VASH2: variants seen among roughly 807,000 people sequenced by gnomAD.
The protein encoded by VASH2 is vasohibin 2, also known as tubulinyl-Tyr carboxypeptidase 2.
Under a neutral mutation model 37.2 loss-of-function variants are expected in VASH2, and 28 were observed. That is an observed-to-expected ratio of 0.75 (90% CI 0.56 to 1.03). The LOEUF (loss-of-function observed/expected upper bound fraction) is 1.03, where lower values mean the gene tolerates loss of function less well. Ranked by LOEUF, VASH2 falls within the 50% of genes least tolerant of loss-of-function variation. The pLI is 0.00. For synonymous variants in VASH2, 188 were observed against 174.7 expected (o/e 1.08, Z -0.60); for missense variants, 419 against 459.1 (o/e 0.91, Z 0.80).
chr1:212,985,363 C>A (rs1257720809), intron 7 of VASH2, among the ~76,000 whole-genome samples: 1 of 151,390 alleles, frequency 6.6e-6, no homozygotes, highest in Non-Finnish European at 1.5e-5. Flanking sequence ...TATGTAAAAG[C>A]AGCTCAACAG....
chr1:212,958,659 A>G (rs903803), intron 2 of VASH2, among the ~76,000 whole-genome samples: 31,398 of 151,882 alleles, frequency 0.21, 6,088 homozygotes, highest in African/African-American at 0.5. Flanking sequence ...ATTTTCCCAC[A>G]CTTACCAGCT....
At chr1:212,973,027 C>A in intron 6 of VASH2, 66 bp downstream of exon 6, 1 of 1,555,664 alleles carries the variant, frequency 6.4e-7, no homozygotes, top group East Asian at 2.3e-5. Flanking sequence ...CTCTCTGTCT[C>A]TTGCTCCAGG....
chr1:212,973,303 GTAT>G, intron 6 of VASH2: 2 of 1,084,100 alleles, frequency 1.8e-6, no homozygotes, highest in Non-Finnish European at 2.5e-6. Flanking sequence ...GAGATTTTCA[GTAT>G]TAAAACCTGG....
chr1:212,982,597 G>A (rs774521751), intron 7 of VASH2, among the ~76,000 whole-genome samples: 21 of 151,958 alleles, frequency 1.4e-4, no homozygotes, highest in Admixed American at 5.9e-4. Flanking sequence ...GAGATGAGCT[G>A]GCAAGGACTG....
chr1:212,984,405 G>C (rs544526956), intron 7 of VASH2, among the ~76,000 whole-genome samples: 19 of 152,320 alleles, frequency 1.2e-4, no homozygotes, highest in African/African-American at 4.3e-4. Context: ...CCATGACAGG[G>C]ATGAGCGGGT....
intron 7 of VASH2, among the ~76,000 whole-genome samples, chr1:212,987,271 T>C (rs1667507068): frequency 6.6e-6 from 1 of 151,978 alleles, no homozygotes; most frequent in Non-Finnish European, 1.5e-5. Flanking sequence ...TTTTTTTTTT[T>C]TTAATACTTA....
At chr1:212,985,711 C>A (rs1209151746) in intron 7 of VASH2, among the ~76,000 whole-genome samples, 1 of 152,172 alleles carries the variant, frequency 6.6e-6, no homozygotes, top group South Asian at 2.1e-4. Context: ...GCCACTGTGC[C>A]CAGCCCTAGA....
In VASH2 at chr1:212,951,737, C is replaced by T. The variant is rs377684374; in HGVS notation, c.195C>T (p.Arg65=). The change falls in exon 2 of 8, where the codon CGC becomes CGT. Residue 65 remains arginine (R), a synonymous_variant. Coordinates refer to ENST00000517399, the MANE Select transcript of VASH2 (RefSeq NM_001301056.2). This position sits in a 1 kb window ranked among gnomAD's most constrained non-coding sequence, Gnocchi z 4.4. ...CCATCGACAGCCACACCTGGGAGCG[C>T]ATGTGGATGCACGTGGCCAAGGTGC... ...GFPIDSHTWE[R]MWMHVAKVHP... 267 of 1,607,664 alleles carry T rather than the reference C, an allele frequency of 1.7e-4. 2 individuals carry two copies. In the South Asian group the frequency reaches 1.7e-3, roughly 10 times the overall value.
In VASH2 at chr1:212,951,892, T is replaced by C; in HGVS notation, c.276+74T>C. ...CGATGGGACCGTTTCAGCCTATACA[T>C]AGCAAACACAGGCAATCTCCATTTT... On this transcript the variant is annotated intron_variant, in intron 2 of 7. Coordinates refer to ENST00000517399, the MANE Select transcript of VASH2 (RefSeq NM_001301056.2). This position sits in a 1 kb window ranked among gnomAD's most constrained non-coding sequence, Gnocchi z 4.4. 4 of 1,474,964 alleles carry C rather than the reference T, an allele frequency of 2.7e-6. No individual in the cohort carries two copies. Among genetic ancestry groups the C allele is most frequent in the South Asian group, 1.3e-5 (1 of 77,536 alleles). The allele number at this position is 1,474,964 out of a possible 1,614,324, so 91.4% of individuals were successfully genotyped here.
intron 7 of VASH2, among the ~76,000 whole-genome samples, chr1:212,982,525 G>A (rs59489266): frequency 2.6e-5 from 4 of 152,084 alleles, no homozygotes; most frequent in Non-Finnish European, 5.9e-5. Context: ...ATTCTAATTA[G>A]AGCTGGGGGA....
At chr1:212,975,482 A>T (rs1328630203) in intron 7 of VASH2, among the ~76,000 whole-genome samples, 1 of 152,242 alleles carries the variant, frequency 6.6e-6, no homozygotes, top group Non-Finnish European at 1.5e-5. Context: ...GCTTCCAGCC[A>T]TTCACACGTG....
At chr1:212,986,667 A>C (rs573723405) in intron 7 of VASH2, among the ~76,000 whole-genome samples, 1 of 152,286 alleles carries the variant, frequency 6.6e-6, no homozygotes, top group East Asian at 1.9e-4. Flanking sequence ...GGGAATAGCT[A>C]ATCTCCAGGG....
intron 5 of VASH2, among the ~76,000 whole-genome samples, chr1:212,970,046 C>T (rs1370961417): frequency 2.0e-5 from 3 of 152,196 alleles, no homozygotes; most frequent in Admixed American, 6.5e-5. Flanking sequence ...TGGGGGGCCT[C>T]ACTGGCCATG....
chr1:212,967,552 A>T, intron 5 of VASH2: 1 of 630,672 alleles, frequency 1.6e-6, no homozygotes, highest in African/African-American at 1.9e-5. Context: ...GCAATGGGCA[A>T]CCCAGATGAA....
At chr1:212,972,307 T>C (rs184343410) in intron 5 of VASH2, among the ~76,000 whole-genome samples, 8 of 152,330 alleles carry the variant, frequency 5.3e-5, no homozygotes, top group African/African-American at 1.9e-4. Context: ...TGCCTTGTTA[T>C]TGTTTTGTTT....
rs376961593 is a variant in VASH2 at position 212,972,917 on chromosome 1, A to T, written c.835A>T (p.Ile279Leu). 6.2e-7 allele frequency: 1 copy of T among 1,614,050 alleles called. No individual in the cohort carries two copies. Among genetic ancestry groups the T allele is most frequent in the Non-Finnish European group, 8.5e-7 (1 of 1,180,044 alleles). Residue 279 changes from isoleucine (I) to leucine (L), a missense_variant, in exon 6 of 8, where the codon ATA becomes TTA. By Grantham distance (5) the Ile-to-Leu change is conservative. Transcript: ENST00000517399. ...CGTCTCAAAGATGCTGAGGGCTGAC[A>T]TAAGGAAGGAGCTGGAGAAATATGC... ...LNVSKMLRAD[I>L]RKELEKYARD... is the part of the protein sequence containing the mutation.
chr1:212,974,190 A>C, intron 7 of VASH2, 120 bp downstream of exon 7: 38 of 1,266,468 alleles, frequency 3.0e-5, no homozygotes, highest in Non-Finnish European at 3.5e-5. Flanking sequence ...AGCAATCTCC[A>C]AGAGGACTGC....
intron 5 of VASH2, chr1:212,969,304 TG>T: frequency 1.8e-6 from 1 of 566,636 alleles, no homozygotes; most frequent in Non-Finnish European, 2.2e-6. Context: ...GCCATTCTCC[TG>T]CCTCAGCCTC....
At chr1:212,970,483 T>A (rs1666978155) in intron 5 of VASH2, among the ~76,000 whole-genome samples, 1 of 152,070 alleles carries the variant, frequency 6.6e-6, no homozygotes, top group Non-Finnish European at 1.5e-5. Context: ...ATAACACACT[T>A]CACATTGTGT....
Sources: gnomAD v4.1 joint callset for allele counts (sites outside exome capture counted in the v4.1 genomes callset) on GRCh38, gnomAD v4.1.1 for gene constraint, Gnocchi (gnomAD v3.1) non-coding constraint, MANE v1.5 for transcripts, NCBI Gene and HGNC (gene_info 2026-07-23, HGNC 2026-07-21) for gene names.